The following BACH2 variants were observed in gnomAD, a reference collection of about 807,000 sequenced individuals.
BACH2 encodes the protein BACH transcriptional regulator 2.
BACH2 carries 5 observed loss-of-function variants against 61.8 expected under a neutral mutation model. The ratio of observed to expected loss-of-function variants is 0.08; its 90% CI spans 0.04 to 0.17. BACH2 has a LOEUF of 0.17. BACH2 is among the 10% of genes least tolerant of loss of function. The pLI, the probability that BACH2 is intolerant of heterozygous loss-of-function variation, is 1.00. For missense variants in BACH2, 824 were observed against 1,091.1 expected (o/e 0.76, Z 3.45); for synonymous variants, 446 against 440.1 (o/e 1.01, Z -0.17).
intron 6 of BACH2, among the ~76,000 whole-genome samples, chr6:89,975,822 T>C (rs1164446454): frequency 6.6e-6 from 1 of 152,232 alleles, no homozygotes; most frequent in Non-Finnish European, 1.5e-5. Context: ...CGAAATACCA[T>C]CTTTCAGAGG....
intron 1 of BACH2, among the ~76,000 whole-genome samples, chr6:90,276,286 A>G (rs921307145): frequency 1.3e-5 from 2 of 152,226 alleles, no homozygotes; most frequent in Non-Finnish European, 2.9e-5. Context: ...ATTTATTCAC[A>G]TATTCTCATT....
At chr6:90,050,374 T>C (rs1183181009) in intron 5 of BACH2, among the ~76,000 whole-genome samples, 1 of 152,206 alleles carries the variant, frequency 6.6e-6, no homozygotes, top group African/African-American at 2.4e-5. Context: ...TGTCAAATTT[T>C]AACGTAATAT....
chr6:90,042,842 T>C (rs958607871), intron 5 of BACH2, among the ~76,000 whole-genome samples: 5 of 152,178 alleles, frequency 3.3e-5, no homozygotes, highest in Admixed American at 6.5e-5. Context: ...TGTTTTTGCA[T>C]AGAATATGGG....
At chr6:89,945,189 A>C (rs1213371308) in intron 7 of BACH2, among the ~76,000 whole-genome samples, 1 of 152,220 alleles carries the variant, frequency 6.6e-6, no homozygotes, top group Non-Finnish European at 1.5e-5. Flanking sequence ...AATAACTGAA[A>C]ACATGTCTTA....
chr6:90,080,744 A>G, intron 5 of BACH2: 1 of 985,028 alleles, frequency 1.0e-6, no homozygotes, highest in African/African-American at 1.7e-5. Flanking sequence ...AACCCTGAGA[A>G]AGGCATCTTT....
intron 5 of BACH2, among the ~76,000 whole-genome samples, chr6:90,085,344 C>T (rs1781889136): frequency 6.6e-6 from 1 of 152,156 alleles, no homozygotes; most frequent in East Asian, 1.9e-4. Context: ...TCCATGTCCA[C>T]CTCCGCTGAT....
intron 5 of BACH2, among the ~76,000 whole-genome samples, chr6:90,014,506 G>C (rs1431001202): frequency 1.5e-5 from 1 of 67,400 alleles, no homozygotes; most frequent in African/African-American, 5.9e-5. Flanking sequence ...ACAGATTCTT[G>C]CTCTGTTGCC....
intron 7 of BACH2, among the ~76,000 whole-genome samples, chr6:89,941,097 T>A (rs988023944): frequency 2.0e-5 from 3 of 152,098 alleles, no homozygotes; most frequent in Non-Finnish European, 4.4e-5. Context: ...AACCCCTCGA[T>A]AGTGTTCAGA....
chr6:90,256,122 T>A (rs1770970175), intron 2 of BACH2, among the ~76,000 whole-genome samples: 1 of 152,006 alleles, frequency 6.6e-6, no homozygotes, highest in Admixed American at 6.6e-5. Flanking sequence ...AAAAAAAAAA[T>A]CTCACATAAA....
At chr6:89,994,064 G>A (rs1776721593) in intron 6 of BACH2, among the ~76,000 whole-genome samples, 1 of 152,102 alleles carries the variant, frequency 6.6e-6, no homozygotes, top group Admixed American at 6.6e-5. Flanking sequence ...CTTATTGAGT[G>A]ACTTACCAAA....
chr6:90,113,212 C>T (rs186932154), intron 4 of BACH2, among the ~76,000 whole-genome samples: 1 of 152,284 alleles, frequency 6.6e-6, no homozygotes, highest in African/African-American at 2.4e-5. Context: ...GAAAAATTAA[C>T]AAAGATATTC....
At chr6:90,253,813 A>T (rs1770889175) in intron 2 of BACH2, among the ~76,000 whole-genome samples, 1 of 152,212 alleles carries the variant, frequency 6.6e-6, no homozygotes, top group Admixed American at 6.5e-5. Context: ...GGTTACACAG[A>T]GGCCTTAGTC....
rs760371683 is a variant in BACH2 at position 90,116,564 on chromosome 6, CAT to C, written c.-161-27457_-161-27456del. On this transcript the variant is annotated intron_variant, in intron 4 of 8. Transcript: ENST00000257749. ...ATATGTACAACAAATCCCTGTGACACATGTTTATCTATATAACAAACCTTCAC... is the reference window on the plus strand; with the variant it reads ...ATATGTACAACAAATCCCTGTGACACGTTTATCTATATAACAAACCTTCAC... 67 of 169,188 alleles carry C rather than the reference CAT, an allele frequency of 4.0e-4. 1 individual carries two copies. Among genetic ancestry groups the C allele is most frequent in the Admixed American group, 3.2e-3 (52 of 16,464 alleles). 10.5% of individuals were successfully genotyped at this position (169,188 alleles called of 1,614,324 possible).
At chr6:90,082,609 A>G (rs552917695) in intron 5 of BACH2, among the ~76,000 whole-genome samples, 1 of 152,290 alleles carries the variant, frequency 6.6e-6, no homozygotes, top group South Asian at 2.1e-4. Flanking sequence ...AAAATACATA[A>G]AAGTATGAGT....
chr6:89,984,888 A>T (rs1776154146), intron 6 of BACH2, among the ~76,000 whole-genome samples: 1 of 152,210 alleles, frequency 6.6e-6, no homozygotes, highest in South Asian at 2.1e-4. Context: ...TATTAAGATA[A>T]ACACAATTAT....
chr6:89,969,759 G>C (rs1307977187), intron 6 of BACH2, among the ~76,000 whole-genome samples: 5 of 152,180 alleles, frequency 3.3e-5, no homozygotes, highest in African/African-American at 1.2e-4. Context: ...CGATCTGTTG[G>C]GAAGAGGCTG....
chr6:90,020,195 T>C (rs1237088083), intron 5 of BACH2, among the ~76,000 whole-genome samples: 1 of 152,186 alleles, frequency 6.6e-6, no homozygotes, highest in Non-Finnish European at 1.5e-5. Context: ...GGAACATACC[T>C]TTCTGCTTTC....
chr6:90,267,957 T>C (rs770107952), intron 2 of BACH2, among the ~76,000 whole-genome samples: 4 of 151,486 alleles, frequency 2.6e-5, no homozygotes, highest in Admixed American at 2.6e-4. Flanking sequence ...CAATTTTTTT[T>C]AAAATAGAAA....
At chr6:89,977,759 C>T (rs919173945) in intron 6 of BACH2, among the ~76,000 whole-genome samples, 9 of 149,840 alleles carry the variant, frequency 6.0e-5, no homozygotes, top group South Asian at 2.1e-4. Flanking sequence ...AGATACAAGG[C>T]GGTTGAAAAA....
Sources: allele counts gnomAD v4.1 joint callset (sites outside exome capture counted in the v4.1 genomes callset), GRCh38; gene constraint gnomAD v4.1.1; transcripts MANE v1.5; gene names NCBI Gene and HGNC (gene_info 2026-07-23, HGNC 2026-07-21).